Variants in TANC2 observed in about 807,000 individuals in gnomAD.
TANC2 encodes the protein tetratricopeptide repeat, ankyrin repeat and coiled-coil containing 2, also known as protein TANC2.
A neutral mutation model predicts 210.5 loss-of-function variants in TANC2; 26 were observed. That is an observed-to-expected ratio of 0.12 (90% CI 0.09 to 0.17). The LOEUF is 0.17. TANC2 is among the 10% of genes least tolerant of loss of function. TANC2 has a pLI of 1.00. For missense variants in TANC2, 2,129 were observed against 2,608.9 expected (o/e 0.82, Z 4.01); for synonymous variants, 931 against 967.1 (o/e 0.96, Z 0.69).
intron 2 of TANC2, among the ~76,000 whole-genome samples, chr17:63,020,901 A>G (rs2034318336): frequency 6.6e-6 from 1 of 152,144 alleles, no homozygotes; most frequent in Non-Finnish European, 1.5e-5. Flanking sequence ...AGTGTGTCAC[A>G]TGGCAAGAGT....
intron 7 of TANC2, among the ~76,000 whole-genome samples, chr17:63,233,365 C>A (rs920925930): frequency 6.6e-6 from 1 of 152,148 alleles, no homozygotes; most frequent in African/African-American, 2.4e-5. Flanking sequence ...CGAGGGGGAT[C>A]TCCTGATCTG....
At chr17:62,999,876 A>C (rs1269110154) in intron 1 of TANC2, among the ~76,000 whole-genome samples, 4 of 152,250 alleles carry the variant, frequency 2.6e-5, no homozygotes, top group Admixed American at 1.3e-4. Flanking sequence ...GAAAATGTAT[A>C]TATGCACCAT....
At chr17:63,165,640 A>G (rs2040186430) in intron 5 of TANC2, among the ~76,000 whole-genome samples, 1 of 152,204 alleles carries the variant, frequency 6.6e-6, no homozygotes, top group African/African-American at 2.4e-5. Flanking sequence ...CTTCTAGAAA[A>G]CATCCCAGAT....
chr17:63,348,601 C>G (rs2046491853), intron 12 of TANC2, among the ~76,000 whole-genome samples: 1 of 152,074 alleles, frequency 6.6e-6, no homozygotes, highest in South Asian at 2.1e-4. Context: ...GATAATGTCC[C>G]TCCTACTTTT....
At chr17:63,186,299 T>C (rs2040980722) in intron 5 of TANC2, among the ~76,000 whole-genome samples, 1 of 152,042 alleles carries the variant, frequency 6.6e-6, no homozygotes, top group Non-Finnish European at 1.5e-5. Context: ...TCTTAATTAC[T>C]TTAGCTTTAT....
At chr17:63,321,035 A>G (rs2045477360) in intron 11 of TANC2, among the ~76,000 whole-genome samples, 1 of 151,986 alleles carries the variant, frequency 6.6e-6, no homozygotes, top group Non-Finnish European at 1.5e-5. Context: ...CCCATCTCCA[A>G]AAAAATACAA....
chr17:63,079,360 G>A (rs141363093), intron 3 of TANC2, among the ~76,000 whole-genome samples: 2 of 152,238 alleles, frequency 1.3e-5, no homozygotes, highest in African/African-American at 4.8e-5. Context: ...TGAACTGGTT[G>A]TACTTTAAGT....
chr17:63,412,075 G>A lies in TANC2; in HGVS notation c.3843G>A (p.Val1281=), dbSNP rs1379222925. Residue 1281 remains valine, a synonymous_variant, in exon 23 of 28, where the codon GTG becomes GTA. Transcript: ENST00000689528. The surrounding 1 kb of genome is among the most constrained non-coding windows in gnomAD (Gnocchi z 4.2). ...GAATGCGCCCTTTGGATAGGGCAGT[G>A]GGGTGCCGGAACACTTCTGTTGTTG... 1 of 1,613,912 alleles carries A rather than the reference G, an allele frequency of 6.2e-7. No individual in the cohort carries two copies. The highest frequency in any genetic ancestry group is 8.5e-7 in the Non-Finnish European group (1 of 1,179,878).
At chr17:63,347,209 A>T (rs1402989074) in intron 12 of TANC2, among the ~76,000 whole-genome samples, 1 of 152,226 alleles carries the variant, frequency 6.6e-6, no homozygotes, top group East Asian at 1.9e-4. Context: ...ACATTCATTC[A>T]ATTGAATACT....
chr17:63,118,626 T>TATTG (rs1288521699), intron 4 of TANC2, among the ~76,000 whole-genome samples: 11 of 152,130 alleles, frequency 7.2e-5, no homozygotes, highest in Non-Finnish European at 1.2e-4. Context: ...CTTATTGATT[T>TATTG]ATTGATTGAT....
intron 2 of TANC2, among the ~76,000 whole-genome samples, chr17:63,063,800 C>T (rs796257037): frequency 5.9e-5 from 9 of 151,884 alleles, no homozygotes; most frequent in African/African-American, 2.2e-4. Context: ...ATGATACTTA[C>T]GTTGGAATTT....
At chr17:63,048,007 C>CT (rs1456121562) in intron 2 of TANC2, among the ~76,000 whole-genome samples, 1 of 152,096 alleles carries the variant, frequency 6.6e-6, no homozygotes, top group Non-Finnish European at 1.5e-5. Flanking sequence ...CTTAGCAAGA[C>CT]TTTTTATCAG....
chr17:63,397,446 C>A (rs956445067), intron 18 of TANC2, among the ~76,000 whole-genome samples: 5 of 152,190 alleles, frequency 3.3e-5, no homozygotes, highest in Admixed American at 6.5e-5. Flanking sequence ...CCAGTTTGCT[C>A]TTTTCTCAAT....
chr17:63,327,500 T>A (rs1005486339), intron 11 of TANC2, among the ~76,000 whole-genome samples: 4 of 152,214 alleles, frequency 2.6e-5, no homozygotes, highest in Non-Finnish European at 1.5e-5. Flanking sequence ...GTTATTTTTT[T>A]AAAAAAGCAG....
At chr17:62,983,800 C>T (rs2032427543) in intron 1 of TANC2, among the ~76,000 whole-genome samples, 2 of 152,104 alleles carry the variant, frequency 1.3e-5, no homozygotes, top group East Asian at 1.9e-4. Context: ...ACCATAATTG[C>T]ATTCCTGAGA....
At chr17:63,409,355 T>C (rs1291193450) in intron 21 of TANC2, among the ~76,000 whole-genome samples, 3 of 152,000 alleles carry the variant, frequency 2.0e-5, no homozygotes, top group Non-Finnish European at 4.4e-5. Flanking sequence ...ACCTGGCTAA[T>C]TTTTTAGTTT....
chr17:62,996,974 T>C (rs9904741), intron 1 of TANC2, among the ~76,000 whole-genome samples: 227 of 59,054 alleles, frequency 3.8e-3, no homozygotes, highest in African/African-American at 0.012. Context: ...CCACCACGTC[T>C]GGCTAATTTT....
At chr17:63,220,732 A>ATATG (rs1555609794) in intron 7 of TANC2, among the ~76,000 whole-genome samples, 2 of 144,818 alleles carry the variant, frequency 1.4e-5, no homozygotes, top group East Asian at 4.0e-4. Flanking sequence ...ATATATATAT[A>ATATG]TATATGTATA....
chr17:63,332,411 G>GT (rs2045888165), intron 11 of TANC2: 2 of 320,912 alleles, frequency 6.2e-6, no homozygotes, highest in Non-Finnish European at 1.2e-5. Flanking sequence ...TATATTCACA[G>GT]TACCCTGTTG....
Sources: gnomAD v4.1 joint callset for allele counts (sites outside exome capture counted in the v4.1 genomes callset) on GRCh38, gnomAD v4.1.1 for gene constraint, Gnocchi (gnomAD v3.1) non-coding constraint, MANE v1.5 for transcripts, NCBI Gene and HGNC (gene_info 2026-07-23, HGNC 2026-07-21) for gene names.